RORA: variants seen among roughly 807,000 people sequenced by gnomAD.
The protein encoded by RORA is nuclear receptor ROR-alpha.
RORA carries 7 observed loss-of-function variants against 69.5 expected under a neutral mutation model. That is an observed-to-expected ratio of 0.10 (90% CI 0.06 to 0.19). RORA has a LOEUF of 0.19. Among genes scored for constraint, RORA ranks in the 10% least tolerant of loss-of-function variants. The probability of loss-of-function intolerance (pLI) is 1.00; values close to 1 mark genes in which losing one functional copy is unlikely to be tolerated. For missense variants in RORA, 457 were observed against 663.0 expected (o/e 0.69, Z 3.41); for synonymous variants, 261 against 240.8 (o/e 1.08, Z -0.78).
Position 60,490,786 on chromosome 15 carries a change from G to GA in RORA, c.*6668_*6669insT, listed in dbSNP as rs2065029177. 6.6e-6 allele frequency: 1 copy of GA among 152,066 alleles called. No homozygotes were observed. Among genetic ancestry groups the GA allele is most frequent in the African/African-American group, 2.4e-5 (1 of 41,416 alleles). 9.4% of individuals were successfully genotyped at this position (152,066 alleles called of 1,614,324 possible). On this transcript the variant is annotated 3_prime_UTR_variant, in exon 11 of 11. Coordinates refer to ENST00000335670, the MANE Select transcript of RORA (RefSeq NM_134261.3). This position sits in a 1 kb window ranked among gnomAD's most constrained non-coding sequence, Gnocchi z 4.1. ...TTTGGAAACAAGAATATTGTTAAAGGTGCCATAAAAATGGACAACACTGAA... is the reference window on the plus strand; with the variant it reads ...TTTGGAAACAAGAATATTGTTAAAGGATGCCATAAAAATGGACAACACTGAA...
In RORA at chr15:60,746,766, C is replaced by A. The variant is rs138471041; in HGVS notation, c.167-68080G>T. ...CATGGATACTTCGTCTTGCATAGAC[C>A]ACCTCAAATATGTGGTCATAAAAAA... is the stretch of plus-strand genomic sequence containing the variant. On this transcript the variant is annotated intron_variant, in intron 1 of 10. Coordinates refer to ENST00000335670, the MANE Select transcript of RORA (RefSeq NM_134261.3). 4.7e-4 allele frequency among the ~76,000 whole-genome samples: 71 copies of A among 152,240 alleles called. 1 individual carries two copies. In the East Asian group the frequency reaches 0.013, roughly 27 times the overall value.
At chr15:60,573,695 A>G (rs997056547) in intron 2 of RORA, among the ~76,000 whole-genome samples, 1 of 152,180 alleles carries the variant, frequency 6.6e-6, no homozygotes, top group Admixed American at 6.5e-5. Flanking sequence ...TTCACAAACT[A>G]CCATTTGTTG....
intron 2 of RORA, among the ~76,000 whole-genome samples, chr15:60,571,323 TTG>T (rs370278407): frequency 6.6e-6 from 1 of 151,510 alleles, no homozygotes; most frequent in African/African-American, 2.4e-5. Flanking sequence ...TCCTGTGTTT[TTG>T]TGTGTGTGTG....
chr15:60,989,937 C>A (rs1453645860), intron 1 of RORA, among the ~76,000 whole-genome samples: 1 of 152,196 alleles, frequency 6.6e-6, no homozygotes, highest in East Asian at 1.9e-4. Flanking sequence ...ACAGGTCCAC[C>A]CACTATACTT....
intron 1 of RORA, among the ~76,000 whole-genome samples, chr15:60,936,752 G>T (rs1427200513): frequency 6.6e-6 from 1 of 152,214 alleles, no homozygotes; most frequent in African/African-American, 2.4e-5. Flanking sequence ...GTACCTCTTA[G>T]CTAGTTAGAA....
chr15:60,769,103 C>G (rs1202863119), intron 1 of RORA, among the ~76,000 whole-genome samples: 1 of 152,182 alleles, frequency 6.6e-6, no homozygotes, highest in East Asian at 1.9e-4. Flanking sequence ...CTGGTGTGAA[C>G]AGAGAGTAAA....
chr15:60,724,389 C>T (rs980094546), intron 1 of RORA, among the ~76,000 whole-genome samples: 2 of 152,060 alleles, frequency 1.3e-5, no homozygotes, highest in Non-Finnish European at 2.9e-5. Flanking sequence ...TAAAGGAAAA[C>T]GAAGCACAGA....
chr15:60,530,460 C>T (rs1005552849), intron 3 of RORA: 4 of 151,982 alleles, frequency 2.6e-5, no homozygotes, highest in African/African-American at 7.3e-5. Flanking sequence ...CACCGGGCCT[C>T]TCATTTTGCT....
At chr15:60,555,087 C>T (rs906125679) in intron 2 of RORA, among the ~76,000 whole-genome samples, 13 of 152,158 alleles carry the variant, frequency 8.5e-5, no homozygotes, top group African/African-American at 3.1e-4. Flanking sequence ...CTTCAGCGTG[C>T]CCTACTTGCC....
chr15:60,913,686 T>C (rs1891793238), intron 1 of RORA, among the ~76,000 whole-genome samples: 1 of 152,206 alleles, frequency 6.6e-6, no homozygotes, highest in Admixed American at 6.5e-5. Context: ...GCAGACACGG[T>C]TAAAGAATGG....
At position 60,605,426 on chromosome 15, in the gene RORA, C is replaced by T. The variant is rs550986603; in HGVS notation, c.196+73231G>A. Among the ~76,000 whole-genome samples the T allele has an allele frequency of 5.3e-5, 8 of 152,176 alleles. No individual in the cohort carries two copies. In the South Asian group the frequency reaches 1.7e-3, roughly 32 times the overall value. On this transcript the variant is annotated intron_variant, in intron 2 of 10. Transcript: ENST00000335670. ...CTTAGGATTTCAAGGCAATAAAAAC[C>T]AATAATTTTAATAAAATTATGTCAA...
chr15:61,226,424 T>C lies in RORA; in HGVS notation c.166+2629A>G, dbSNP rs2080145635. Reference sequence around the variant, plus strand: ...TGTGTAGGTTAATTTCTTTCCGATATTGTAATTTATGCAACATTAATACTG... The same window carrying C: ...TGTGTAGGTTAATTTCTTTCCGATACTGTAATTTATGCAACATTAATACTG... On this transcript the variant is annotated intron_variant, in intron 1 of 10. Transcript: ENST00000335670. The surrounding 1 kb of genome is among the most constrained non-coding windows in gnomAD (Gnocchi z 4.2). Among the ~76,000 whole-genome samples, 1 of 152,240 alleles carries C rather than the reference T, an allele frequency of 6.6e-6. No homozygotes were observed. The highest frequency in any genetic ancestry group is 2.1e-4 in the South Asian group (1 of 4,828).
At chr15:61,154,526 A>G (rs1385010674) in intron 1 of RORA, among the ~76,000 whole-genome samples, 1 of 152,206 alleles carries the variant, frequency 6.6e-6, no homozygotes, top group Admixed American at 6.5e-5. Context: ...ATTCTCAGTC[A>G]CAGACAGGTC....
chr15:61,161,562 C>A (rs2079496213), intron 1 of RORA, among the ~76,000 whole-genome samples: 1 of 152,088 alleles, frequency 6.6e-6, no homozygotes, highest in East Asian at 1.9e-4. Context: ...TGTCAGTTTT[C>A]TCCTCTTCCC....
At chr15:61,022,726 T>C (rs1280182713) in intron 1 of RORA, among the ~76,000 whole-genome samples, 1 of 152,196 alleles carries the variant, frequency 6.6e-6, no homozygotes, top group Non-Finnish European at 1.5e-5. Flanking sequence ...AATGGTTAAC[T>C]GAGAGTTAAC....
chr15:61,160,352 CT>C (rs1333770184), intron 1 of RORA, among the ~76,000 whole-genome samples: 6 of 152,198 alleles, frequency 3.9e-5, no homozygotes, highest in Non-Finnish European at 8.8e-5. Context: ...AGAAGGATAA[CT>C]TTTTTATAAT....
At chr15:60,655,032 A>T (rs1356145201) in intron 2 of RORA, among the ~76,000 whole-genome samples, 1 of 152,174 alleles carries the variant, frequency 6.6e-6, no homozygotes, top group Non-Finnish European at 1.5e-5. Context: ...TTTACCACTT[A>T]CTGCATCTCT....
At chr15:60,556,954 A>G (rs1227759460) in intron 2 of RORA, 6 of 1,577,100 alleles carry the variant, frequency 3.8e-6, no homozygotes, top group Non-Finnish European at 5.2e-6. Flanking sequence ...CAATCCAATG[A>G]TAAAGGACAA....
intron 1 of RORA, among the ~76,000 whole-genome samples, chr15:61,086,870 A>T (rs189428897): frequency 2.6e-5 from 4 of 152,306 alleles, no homozygotes; most frequent in African/African-American, 7.2e-5. Flanking sequence ...AGAGCTGAGG[A>T]GTTCCTACAA....
Sources: gnomAD v4.1 joint callset for allele counts (sites outside exome capture counted in the v4.1 genomes callset) on GRCh38, gnomAD v4.1.1 for gene constraint, Gnocchi (gnomAD v3.1) non-coding constraint, MANE v1.5 for transcripts, NCBI Gene and HGNC (gene_info 2026-07-23, HGNC 2026-07-21) for gene names.